Variants in SGCZ observed in about 807,000 individuals in gnomAD.
The protein encoded by SGCZ is sarcoglycan zeta, also known as zeta-sarcoglycan.
Under a neutral mutation model 41.3 loss-of-function variants are expected in SGCZ, and 40 were observed. The observed-to-expected ratio is 0.97, with a 90% confidence interval of 0.75 to 1.26. The LOEUF (loss-of-function observed/expected upper bound fraction) is 1.26. SGCZ is among the 50% of genes most tolerant of loss of function. The pLI is 0.00. For missense variants in SGCZ, 552 were observed against 369.8 expected (o/e 1.49, Z -4.04); for synonymous variants, 206 against 137.5 (o/e 1.50, Z -3.49).
At chr8:14,558,583 AG>A (rs1453526937) in intron 1 of SGCZ, among the ~76,000 whole-genome samples, 1 of 141,246 alleles carries the variant, frequency 7.1e-6, no homozygotes, top group Admixed American at 7.2e-5. Flanking sequence ...TTAGAGAGAG[AG>A]AGAGAGAGAG....
chr8:14,704,832 A>C (rs184712408), intron 1 of SGCZ, among the ~76,000 whole-genome samples: 1 of 152,030 alleles, frequency 6.6e-6, no homozygotes, highest in Admixed American at 6.6e-5. Flanking sequence ...CTTCTTAGGG[A>C]TAAACTAAAT....
chr8:14,774,864 A>G (rs568791581), intron 1 of SGCZ, among the ~76,000 whole-genome samples: 127 of 152,228 alleles, frequency 8.3e-4, no homozygotes, highest in African/African-American at 3.0e-3. Flanking sequence ...CTAATTTACT[A>G]CCTATTAAGT....
chr8:14,781,027 A>C (rs980144185), intron 1 of SGCZ, among the ~76,000 whole-genome samples: 3 of 152,188 alleles, frequency 2.0e-5, no homozygotes, highest in Admixed American at 6.5e-5. Flanking sequence ...GACTTTTGTC[A>C]TCATTCTATA....
At chr8:14,627,066 T>C (rs187417309) in intron 1 of SGCZ, among the ~76,000 whole-genome samples, 6 of 152,330 alleles carry the variant, frequency 3.9e-5, no homozygotes, top group Admixed American at 6.5e-5. Flanking sequence ...ACCTAACATT[T>C]GGACAATAAT....
chr8:15,176,287 C>G (rs950537901), intron 1 of SGCZ, among the ~76,000 whole-genome samples: 2 of 151,900 alleles, frequency 1.3e-5, no homozygotes, highest in Non-Finnish European at 2.9e-5. Context: ...GTTATCTGTT[C>G]CTTTAGCCAT....
At chr8:14,491,161 A>T (rs114623068) in intron 2 of SGCZ, among the ~76,000 whole-genome samples, 2,051 of 152,236 alleles carry the variant, frequency 0.013, 23 homozygotes, top group Non-Finnish European at 0.018. Context: ...TACATGTCTT[A>T]TGAAGCAGGT....
At chr8:14,562,864 C>G (rs1804247272) in intron 1 of SGCZ, among the ~76,000 whole-genome samples, 1 of 152,038 alleles carries the variant, frequency 6.6e-6, no homozygotes, top group African/African-American at 2.4e-5. Flanking sequence ...AGTGACGAAG[C>G]TGGGATCGAG....
chr8:14,854,350 CAT>C (rs1241730867), intron 1 of SGCZ, among the ~76,000 whole-genome samples: 1 of 150,470 alleles, frequency 6.6e-6, no homozygotes, highest in Non-Finnish European at 1.5e-5. Context: ...TAAGATAATA[CAT>C]AGACATATCA....
intron 1 of SGCZ, among the ~76,000 whole-genome samples, chr8:15,141,150 AT>A (rs1246884422): frequency 6.6e-6 from 1 of 152,230 alleles, no homozygotes. Context: ...TTTATGACAA[AT>A]ATTGAGGAAT....
At chr8:15,156,240 G>C (rs771727225) in intron 1 of SGCZ, among the ~76,000 whole-genome samples, 5 of 152,056 alleles carry the variant, frequency 3.3e-5, no homozygotes, top group Non-Finnish European at 5.9e-5. Context: ...CAGACTATGA[G>C]TCCTGAAAGA....
At chr8:15,012,828 T>C (rs1802890499) in intron 1 of SGCZ, among the ~76,000 whole-genome samples, 1 of 151,088 alleles carries the variant, frequency 6.6e-6, no homozygotes, top group Non-Finnish European at 1.5e-5. Context: ...CAAGAATCAC[T>C]GCTCAACATT....
intron 2 of SGCZ, among the ~76,000 whole-genome samples, chr8:14,431,638 A>T (rs1799944557): frequency 6.6e-6 from 1 of 152,214 alleles, no homozygotes; most frequent in African/African-American, 2.4e-5. Flanking sequence ...CAGGAATTTC[A>T]TGACAAAGAA....
At chr8:14,981,497 T>C (rs7016798) in intron 1 of SGCZ, among the ~76,000 whole-genome samples, 56,209 of 152,086 alleles carry the variant, frequency 0.37, 11,786 homozygotes, top group Non-Finnish European at 0.45. Context: ...CCTGGCTTCA[T>C]TTCGCAATAA....
chr8:14,366,419 G>A (rs1433500316), intron 2 of SGCZ, among the ~76,000 whole-genome samples: 1 of 152,082 alleles, frequency 6.6e-6, no homozygotes, highest in Non-Finnish European at 1.5e-5. Context: ...CAGCATGGGG[G>A]AAACCACCTG....
chr8:14,714,997 C>T (rs943828038), intron 1 of SGCZ, among the ~76,000 whole-genome samples: 2 of 151,950 alleles, frequency 1.3e-5, no homozygotes, highest in African/African-American at 2.4e-5. Context: ...GTTTAGCCTT[C>T]CAATGGTCTG....
intron 1 of SGCZ, among the ~76,000 whole-genome samples, chr8:15,074,813 T>G (rs17609074): frequency 1.3e-5 from 2 of 151,968 alleles, no homozygotes; most frequent in African/African-American, 4.8e-5. Flanking sequence ...TTATCTTTCC[T>G]AACAGAATTA....
At chr8:14,836,409 T>C (rs772825713) in intron 1 of SGCZ, among the ~76,000 whole-genome samples, 5 of 152,220 alleles carry the variant, frequency 3.3e-5, no homozygotes, top group Non-Finnish European at 5.9e-5. Flanking sequence ...GTAGGTGTTA[T>C]GTTACATTTT....
intron 1 of SGCZ, among the ~76,000 whole-genome samples, chr8:14,973,791 G>C (rs933540844): frequency 6.6e-6 from 1 of 152,086 alleles, no homozygotes; most frequent in Non-Finnish European, 1.5e-5. Context: ...CTCTTTATTT[G>C]CCTGTGAATT....
chr8:15,095,772 A>G (rs1460070454), intron 1 of SGCZ, among the ~76,000 whole-genome samples: 2 of 152,162 alleles, frequency 1.3e-5, no homozygotes, highest in African/African-American at 2.4e-5. Context: ...ACGATTTTCA[A>G]TGAATTGCAG....
Sources: gnomAD v4.1 joint callset for allele counts (sites outside exome capture counted in the v4.1 genomes callset) on GRCh38, gnomAD v4.1.1 for gene constraint, MANE v1.5 for transcripts, NCBI Gene and HGNC (gene_info 2026-07-23, HGNC 2026-07-21) for gene names.